Variants in RFX6 observed in about 807,000 individuals in gnomAD.
The protein encoded by RFX6 is regulatory factor X6.
RFX6 carries 50 observed loss-of-function variants against 110.8 expected under a neutral mutation model. The ratio of observed to expected loss-of-function variants is 0.45; its 90% CI spans 0.36 to 0.57. RFX6 has a LOEUF of 0.57. RFX6 is among the 20% of genes least tolerant of loss of function. The probability of loss-of-function intolerance (pLI) is 0.00; values close to 1 mark genes in which losing one functional copy is unlikely to be tolerated. For missense variants in RFX6, 990 were observed against 1,127.0 expected (o/e 0.88, Z 1.74); for synonymous variants, 383 against 411.2 (o/e 0.93, Z 0.83).
chr6:116,910,519 A>G (rs943681565), intron 6 of RFX6, among the ~76,000 whole-genome samples: 4 of 152,202 alleles, frequency 2.6e-5, no homozygotes, highest in East Asian at 1.9e-4. Context: ...TTTACGTTCA[A>G]TCATCTCATT....
chr6:116,894,185 T>A, intron 5 of RFX6, 121 bp downstream of exon 5: 1 of 719,986 alleles, frequency 1.4e-6, no homozygotes, highest in Non-Finnish European at 2.6e-6. Flanking sequence ...GCATCAGACC[T>A]TAATGTCCGC....
intron 4 of RFX6, among the ~76,000 whole-genome samples, chr6:116,883,865 A>T (rs1003062863): frequency 1.3e-5 from 2 of 152,124 alleles, no homozygotes; most frequent in African/African-American, 4.8e-5. Flanking sequence ...TTCCAAACTG[A>T]CCTTTTAAAG....
intron 4 of RFX6, among the ~76,000 whole-genome samples, chr6:116,893,085 A>T (rs339336): frequency 0.7 from 106,252 of 151,960 alleles, 37,528 homozygotes; most frequent in East Asian, 0.88. Flanking sequence ...TCTCTTTTTT[A>T]CATTTCTTTC....
chr6:116,922,591 T>C (rs1775626117), intron 13 of RFX6, among the ~76,000 whole-genome samples: 1 of 152,238 alleles, frequency 6.6e-6, no homozygotes, highest in Admixed American at 6.5e-5. Context: ...TTTCTTCACC[T>C]TCTTTGGTTA....
At chr6:116,920,190 A>C in intron 11 of RFX6, 120 bp from the exon 12 acceptor site, 1 of 831,120 alleles carries the variant, frequency 1.2e-6, no homozygotes, top group Non-Finnish European at 2.1e-6. Context: ...TCTTTAAAAT[A>C]AGAAAAAAGT....
At chr6:116,899,082 T>C (rs1314464988) in intron 6 of RFX6, among the ~76,000 whole-genome samples, 1 of 152,052 alleles carries the variant, frequency 6.6e-6, no homozygotes, top group Non-Finnish European at 1.5e-5. Context: ...ACAAGAAAGT[T>C]AGAAGATTGT....
intron 10 of RFX6, among the ~76,000 whole-genome samples, chr6:116,918,684 A>G (rs1431696808): frequency 6.6e-6 from 1 of 151,852 alleles, no homozygotes; most frequent in African/African-American, 2.4e-5. Flanking sequence ...GTACAAATTC[A>G]TATAGGACTG....
In RFX6 at chr6:116,912,840, A is replaced by C. The variant is rs534446675; in HGVS notation, c.780+1798A>C. On this transcript the variant is annotated intron_variant, in intron 7 of 18. Transcript: ENST00000332958. Reference sequence around the variant, plus strand: ...AAGGAAGTTCATACCTGCCAATTTGAAAGACTGGTCTGTAGATCATTTCTC... The same window carrying C: ...AAGGAAGTTCATACCTGCCAATTTGCAAGACTGGTCTGTAGATCATTTCTC... Among the ~76,000 whole-genome samples the C allele has an allele frequency of 1.2e-4, 16 of 132,498 alleles. No homozygotes were observed. The South Asian group carries it at 3.8e-3, about 31-fold the overall frequency. The allele number at this position is 132,498 out of a possible 152,430, so 86.9% of individuals were successfully genotyped here.
intron 14 of RFX6, among the ~76,000 whole-genome samples, chr6:116,924,155 C>T (rs1775660110): frequency 6.6e-6 from 1 of 152,174 alleles, no homozygotes; most frequent in Non-Finnish European, 1.5e-5. Context: ...TTTTCCAGAA[C>T]ATATTTCACT....
rs1349820318 is a variant in RFX6 at position 116,923,365 on chromosome 6, T to TGGAGCTATGAGAAAATGGAGC, written c.1555+141_1555+142insGGAGCTATGAGAAAATGGAGC. 133 of 675,202 alleles carry TGGAGCTATGAGAAAATGGAGC rather than the reference T, an allele frequency of 2.0e-4. No homozygotes were observed. The African/African-American group carries it at 2.1e-3, about 11-fold the overall frequency. The allele number at this position is 675,202 out of a possible 1,614,324, so 41.8% of individuals were successfully genotyped here. A position where few individuals can be genotyped will look rare whatever the true frequency, so the allele number is the denominator to read the frequency against. On this transcript the variant is annotated intron_variant, in intron 14 of 18. Transcript: ENST00000332958. ...ATATGGAGCTATGAGAAAATGGTATTTATGAGCCTGGGTTTTGGAGTCAGA... is the reference window on the plus strand; with the variant it reads ...ATATGGAGCTATGAGAAAATGGTATTGGAGCTATGAGAAAATGGAGCTATGAGCCTGGGTTTTGGAGTCAGA...
At chr6:116,925,048 G>A (rs1775680663) in intron 15 of RFX6, among the ~76,000 whole-genome samples, 1 of 152,194 alleles carries the variant, frequency 6.6e-6, no homozygotes, top group South Asian at 2.1e-4. Context: ...GAATTAAGGT[G>A]AAGTTGGAGA....
chr6:116,915,916 A>C, intron 7 of RFX6, 92 bp from the exon 8 acceptor site: 4 of 910,534 alleles, frequency 4.4e-6, no homozygotes, highest in South Asian at 2.6e-5. Flanking sequence ...GGTACGTAAT[A>C]GGATCTTTTA....
At chr6:116,906,863 T>TG (rs1467494656) in intron 6 of RFX6, among the ~76,000 whole-genome samples, 1 of 149,908 alleles carries the variant, frequency 6.7e-6, no homozygotes, top group Non-Finnish European at 1.5e-5. Context: ...TTTTTTTGTT[T>TG]TTTTTTTTTT....
At chr6:116,904,118 T>A (rs569859886) in intron 6 of RFX6, among the ~76,000 whole-genome samples, 4 of 152,124 alleles carry the variant, frequency 2.6e-5, no homozygotes, top group African/African-American at 9.7e-5. Context: ...TCTGTGTTTT[T>A]TATTTGGAAA....
chr6:116,926,463 C>A (rs1455100004), intron 16 of RFX6, among the ~76,000 whole-genome samples: 2 of 152,062 alleles, frequency 1.3e-5, no homozygotes, highest in African/African-American at 4.8e-5. Context: ...TTTTTGAAAT[C>A]TTTTTATATA....
At chr6:116,911,123 GCAGGAAGCAAT>G in intron 7 of RFX6, 81 bp downstream of exon 7, 1 of 973,016 alleles carries the variant, frequency 1.0e-6, no homozygotes, top group South Asian at 1.3e-5. Context: ...TCATGGTACT[GCAGGAAGCAAT>G]CAGAAATCTG....
intron 4 of RFX6, among the ~76,000 whole-genome samples, chr6:116,888,837 A>G (rs1458261492): frequency 1.3e-5 from 2 of 152,166 alleles, no homozygotes; most frequent in Non-Finnish European, 2.9e-5. Context: ...AAATATTGCA[A>G]GTGAGATGAA....
chr6:116,909,618 A>C (rs896444259), intron 6 of RFX6, among the ~76,000 whole-genome samples: 1 of 129,372 alleles, frequency 7.7e-6, no homozygotes, highest in Non-Finnish European at 1.8e-5. Context: ...TTATTAAATA[A>C]TAGTTATTAA....
At chr6:116,924,633 A>G (rs768956560) in intron 14 of RFX6, 36 bp from the exon 15 acceptor site, 1 of 1,592,700 alleles carries the variant, frequency 6.3e-7, no homozygotes, top group South Asian at 1.1e-5. Flanking sequence ...TTTACATTTC[A>G]CACTGTCCTC....
Sources: gnomAD v4.1 joint callset for allele counts (sites outside exome capture counted in the v4.1 genomes callset) on GRCh38, gnomAD v4.1.1 for gene constraint, MANE v1.5 for transcripts, NCBI Gene and HGNC (gene_info 2026-07-23, HGNC 2026-07-21) for gene names.